Variants in ODR4 observed in about 807,000 individuals in gnomAD.
The protein encoded by ODR4 is odr-4 GPCR localization factor homolog.
Under a neutral mutation model 60.2 loss-of-function variants are expected in ODR4, and 47 were observed. The ratio of observed to expected loss-of-function variants is 0.78; its 90% CI spans 0.62 to 1.00. ODR4 has a LOEUF of 1.00. ODR4 is among the 50% of genes least tolerant of loss of function. The pLI is 0.00. For synonymous variants in ODR4, 178 were observed against 175.5 expected (o/e 1.01, Z -0.11); for missense variants, 488 against 530.8 (o/e 0.92, Z 0.79).
chr1:186,430,746 AG>A, the ODR4 span, among the ~76,000 whole-genome samples: 1 of 152,084 alleles, frequency 6.6e-6, no homozygotes, highest in African/African-American at 2.4e-5. Flanking sequence ...TTGTGAAGTC[AG>A]TTAATTCCTT....
intron 10 of ODR4, 46 bp downstream of exon 10, chr1:186,398,487 C>G (rs3766698): frequency 2.0e-6 from 3 of 1,517,106 alleles, no homozygotes; most frequent in Non-Finnish European, 2.7e-6. Context: ...TAACTATTAA[C>G]AAAAACCTAA....
At chr1:186,407,216 T>C (rs574677145) in intron 12 of ODR4, among the ~76,000 whole-genome samples, 1 of 152,228 alleles carries the variant, frequency 6.6e-6, no homozygotes, top group Non-Finnish European at 1.5e-5. Context: ...TACTTTCTAA[T>C]CCCATGAAAA....
At chr1:186,389,511 T>C (rs774638571) in intron 5 of ODR4, 77 bp from the exon 6 acceptor site, 12 of 1,186,966 alleles carry the variant, frequency 1.0e-5, no homozygotes, top group Non-Finnish European at 1.2e-5. Flanking sequence ...CATTTTTTAG[T>C]TTATTTTTTG....
chr1:186,408,408 A>G (rs760462561), intron 12 of ODR4, among the ~76,000 whole-genome samples: 4 of 151,892 alleles, frequency 2.6e-5, no homozygotes, highest in Non-Finnish European at 5.9e-5. Flanking sequence ...GGATGATGTT[A>G]CATTATCTTG....
At chr1:186,401,725 A>G (rs1379659281) in intron 11 of ODR4, among the ~76,000 whole-genome samples, 1 of 151,882 alleles carries the variant, frequency 6.6e-6, no homozygotes, top group Non-Finnish European at 1.5e-5. Context: ...ATTATGATGT[A>G]TTATCTTTTT....
At position 186,399,003 on chromosome 1, in the gene ODR4, T is replaced by C. The variant is rs1182771446; in HGVS notation, c.959T>C (p.Leu320Pro). The change falls in exon 11 of 14, where the codon CTA becomes CCA. Residue 320 changes from leucine to proline, a missense_variant. Physicochemically the swap from Leu to Pro is moderately conservative, Grantham distance 98. Transcript: ENST00000287859. ...LNTVADRCEMLFEDLLLNEIP... is the reference protein window; with the variant it reads ...LNTVADRCEMPFEDLLLNEIP... ...ACAGTTGCTGATCGTTGTGAAATGC[T>C]ATTTGAGGATCTGCTTTTGAATGAA... 1 of 1,613,100 alleles carries C rather than the reference T, an allele frequency of 6.2e-7. No individual in the cohort carries two copies. Among genetic ancestry groups the C allele is most frequent in the East Asian group, 2.2e-5 (1 of 44,770 alleles).
intron 11 of ODR4, among the ~76,000 whole-genome samples, chr1:186,402,883 C>A (rs2102066035): frequency 6.6e-6 from 1 of 152,218 alleles, no homozygotes; most frequent in South Asian, 2.1e-4. Flanking sequence ...TGAATGGCCC[C>A]ATTTTCTTAT....
chr1:186,387,994 A>C (rs186742826), intron 4 of ODR4, among the ~76,000 whole-genome samples: 73 of 152,336 alleles, frequency 4.8e-4, no homozygotes, highest in African/African-American at 1.6e-3. Flanking sequence ...TCTTTAGTTA[A>C]AATCACTTAT....
Position 186,394,009 on chromosome 1 carries a change from G to T in ODR4, c.774G>T (p.Thr258=). The T allele has an allele frequency of 6.9e-7, 1 of 1,450,040 alleles. No homozygotes were observed. The highest frequency in any genetic ancestry group is 9.4e-7 in the Non-Finnish European group (1 of 1,061,172). 89.8% of individuals were successfully genotyped at this position (1,450,040 alleles called of 1,614,324 possible). ...TSHSFDVRVL[T]QLLLNSDHRS... is the part of the protein sequence containing the mutation. ...ATTCTTTTGATGTCAGAGTGCTAAC[G>T]CAGTTGGTAAATATTTTAAAATAAC... The change falls in exon 9 of 14, where the codon ACG becomes ACT. Residue 258 remains threonine (T), a synonymous_variant. Transcript: ENST00000287859.
chr1:186,417,573 G>T lies in ODR4; in HGVS notation c.1216G>T (p.Ala406Ser). 6.3e-7 allele frequency: 1 copy of T among 1,598,272 alleles called. No individual in the cohort carries two copies. The highest frequency in any genetic ancestry group is 8.5e-7 in the Non-Finnish European group (1 of 1,170,618). Residue 406 changes from alanine to serine, a missense_variant, in exon 13 of 14, where the codon GCT becomes TCT. Transcript: ENST00000287859. ...TATGAGTTCTTCTATGAATAGTCAA[G>T]CTTCATTGGACAACACAGATGATGA... ...ACMSSSMNSQ[A>S]SLDNTDDEQP...
Position 186,406,237 on chromosome 1 carries a change from A to G in ODR4, c.1155A>G (p.Glu385=). The change falls in exon 12 of 14, where the codon GAA becomes GAG. Residue 385 remains glutamate, a synonymous_variant. Transcript: ENST00000287859. ...TGTTGGATCACACAATTCAAATAGAAGATTTGGAAATTGCAGAGGAAACAA... is the reference window on the plus strand; with the variant it reads ...TGTTGGATCACACAATTCAAATAGAGGATTTGGAAATTGCAGAGGAAACAA... The part of the protein sequence containing the change: ...MEMLDHTIQI[E]DLEIAEETNT... 1 of 1,606,606 alleles carries G rather than the reference A, an allele frequency of 6.2e-7. No homozygotes were observed. Among genetic ancestry groups the G allele is most frequent in the South Asian group, 1.1e-5 (1 of 89,342 alleles).
At chr1:186,414,497 C>T (rs1235078121) in intron 12 of ODR4, among the ~76,000 whole-genome samples, 2 of 150,982 alleles carry the variant, frequency 1.3e-5, no homozygotes, top group Non-Finnish European at 2.9e-5. Context: ...TTTTATTGGC[C>T]CAAATATGGG....
At chr1:186,395,150 A>G (rs933199522) in intron 9 of ODR4, among the ~76,000 whole-genome samples, 1 of 152,192 alleles carries the variant, frequency 6.6e-6, no homozygotes, top group South Asian at 2.1e-4. Context: ...GCTGGAGTGC[A>G]GTGGTGCGAT....
intron 11 of ODR4, among the ~76,000 whole-genome samples, chr1:186,402,187 A>ATTCTTTCTTTCCTTCT (rs1660990614): frequency 7.4e-6 from 1 of 135,424 alleles, no homozygotes; most frequent in African/African-American, 2.9e-5. Flanking sequence ...TAGGCATCCT[A>ATTCTTTCTTTCCTTCT]TTCTTTCTTT....
chr1:186,415,591 C>G (rs1360083916), intron 12 of ODR4, among the ~76,000 whole-genome samples: 3 of 152,110 alleles, frequency 2.0e-5, no homozygotes, highest in Non-Finnish European at 4.4e-5. Flanking sequence ...GGTCTGACTC[C>G]AGGAGTCCTC....
intron 12 of ODR4, among the ~76,000 whole-genome samples, chr1:186,407,842 G>A (rs1284949879): frequency 3.3e-5 from 5 of 151,878 alleles, no homozygotes; most frequent in Admixed American, 1.3e-4. Context: ...TTTAACCTGT[G>A]GGGTTCAAAA....
intron 7 of ODR4, 107 bp downstream of exon 7, chr1:186,390,958 C>T (rs1660446546): frequency 8.4e-7 from 1 of 1,188,570 alleles, no homozygotes; most frequent in Non-Finnish European, 1.2e-6. Context: ...TTACATTCTG[C>T]TTACAATGTT....
At chr1:186,398,856 A>G (rs1019567997) in intron 10 of ODR4, 98 bp from the exon 11 acceptor site, 2 of 795,262 alleles carry the variant, frequency 2.5e-6, no homozygotes, top group South Asian at 2.0e-5. Flanking sequence ...AGTGGGCATG[A>G]TTGTACTGGA....
the ODR4 span, among the ~76,000 whole-genome samples, chr1:186,433,053 G>A: frequency 6.6e-6 from 1 of 152,044 alleles, no homozygotes; most frequent in Admixed American, 6.6e-5. Flanking sequence ...CAAAGTGCTG[G>A]GATTACAGGT....
Sources: allele counts gnomAD v4.1 joint callset (sites outside exome capture counted in the v4.1 genomes callset), GRCh38; gene constraint gnomAD v4.1.1; transcripts MANE v1.5; gene names NCBI Gene and HGNC (gene_info 2026-07-23, HGNC 2026-07-21).